ALK: variants seen among roughly 807,000 people sequenced by gnomAD.
ALK encodes ALK receptor tyrosine kinase, also known as ALK tyrosine kinase receptor.
In ALK, 74 loss-of-function variants were observed where a neutral mutation model predicts 163.1. The observed-to-expected ratio is 0.45, with a 90% CI of 0.38 to 0.55. ALK has a LOEUF of 0.55. ALK is among the 20% of genes least tolerant of loss of function. The probability of loss-of-function intolerance (pLI) is 0.00; values close to 1 mark genes in which losing one functional copy is unlikely to be tolerated. For synonymous variants in ALK, 960 were observed against 843.2 expected, an observed-to-expected ratio of 1.14 and a Z score of -2.40; for missense variants, 2,063 against 2,105.3, an observed-to-expected ratio of 0.98 and a Z score of 0.39.
chr2:29,213,464 TG>T (rs1669515672), intron 24 of ALK, among the ~76,000 whole-genome samples: 1 of 152,194 alleles, frequency 6.6e-6, no homozygotes, highest in Non-Finnish European at 1.5e-5. Context: ...AGCCACCCAT[TG>T]TCAAAAATGC....
At chr2:29,751,205 GAGTC>G (rs1193060235) in intron 1 of ALK, among the ~76,000 whole-genome samples, 1 of 152,182 alleles carries the variant, frequency 6.6e-6, no homozygotes, top group Non-Finnish European at 1.5e-5. Context: ...TGCTTTGGGT[GAGTC>G]AGTAAGGAGT....
chr2:29,460,802 A>C (rs1671067216), intron 4 of ALK, among the ~76,000 whole-genome samples: 2 of 152,134 alleles, frequency 1.3e-5, no homozygotes, highest in African/African-American at 4.8e-5. Flanking sequence ...CTAAGTGTTC[A>C]AGTGAAAGGA....
intron 4 of ALK, among the ~76,000 whole-genome samples, chr2:29,409,747 T>A (rs965117356): frequency 2.0e-5 from 3 of 152,180 alleles, no homozygotes; most frequent in Non-Finnish European, 2.9e-5. Flanking sequence ...AAGACTCTTA[T>A]CTGTGTCCTT....
intron 4 of ALK, among the ~76,000 whole-genome samples, chr2:29,531,566 A>G (rs1362292846): frequency 6.6e-6 from 1 of 152,168 alleles, no homozygotes; most frequent in Middle Eastern, 3.2e-3. Context: ...AGTTTCTACC[A>G]TATTAAATTA....
chr2:29,214,585 T>C (rs1341823930), intron 23 of ALK, among the ~76,000 whole-genome samples: 1 of 152,202 alleles, frequency 6.6e-6, no homozygotes, highest in African/African-American at 2.4e-5. Context: ...CTAAAATTGA[T>C]TGAAAAAGAA....
chr2:29,492,797 T>C (rs1219049791), intron 4 of ALK, among the ~76,000 whole-genome samples: 5 of 152,218 alleles, frequency 3.3e-5, no homozygotes, highest in African/African-American at 1.2e-4. Flanking sequence ...AGATTAGACG[T>C]AGGTAACTGT....
intron 9 of ALK, among the ~76,000 whole-genome samples, chr2:29,293,221 G>C (rs1666085549): frequency 6.6e-6 from 1 of 152,214 alleles, no homozygotes; most frequent in Admixed American, 6.5e-5. Context: ...AGGTTGAAGA[G>C]AGGAGGAATG....
intron 5 of ALK, among the ~76,000 whole-genome samples, chr2:29,351,358 G>C (rs1466435410): frequency 6.6e-6 from 1 of 152,094 alleles, no homozygotes; most frequent in African/African-American, 2.4e-5. Context: ...ACTTGGGCTG[G>C]GCCATGACAG....
At chr2:29,594,497 C>T (rs568257587) in intron 3 of ALK, among the ~76,000 whole-genome samples, 311 of 147,016 alleles carry the variant, frequency 2.1e-3, no homozygotes, top group African/African-American at 7.5e-3. Context: ...GGCACAATCT[C>T]GGCTCACTGC....
Position 29,420,973 on chromosome 2 carries a change from TTG to T in ALK, c.1155-37116_1155-37115del, listed in dbSNP as rs374543453. On this transcript the variant is annotated intron_variant, in intron 4 of 28. Transcript: ENST00000389048. ...TCGCATGTTCTCCCCATCACAGAAC[TTG>T]TCAGGAAAAGCAATGGCCAGGAGCT... 1.7e-3 allele frequency among the ~76,000 whole-genome samples: 255 copies of T among 151,672 alleles called. 7 individuals are homozygous for T. The highest frequency in any genetic ancestry group is 6.2e-3 in the African/African-American group (252 of 40,962).
chr2:29,449,773 G>A (rs926397064), intron 4 of ALK, among the ~76,000 whole-genome samples: 2 of 152,238 alleles, frequency 1.3e-5, no homozygotes, highest in Admixed American at 6.5e-5. Flanking sequence ...CAAAGGAAAT[G>A]TTGAGGCTCA....
At chr2:29,216,836 T>C (rs1352919387) in intron 23 of ALK, among the ~76,000 whole-genome samples, 2 of 149,698 alleles carry the variant, frequency 1.3e-5, no homozygotes, top group African/African-American at 4.9e-5. Flanking sequence ...TGTGTATATG[T>C]GCAGTATATA....
chr2:29,286,379 C>A (rs1481585885), intron 9 of ALK: 1 of 152,174 alleles, frequency 6.6e-6, no homozygotes, highest in Non-Finnish European at 1.5e-5. Flanking sequence ...ATCCAGATAC[C>A]TGGATCTGCC....
chr2:29,217,142 GTGT>G (rs1669657057), intron 23 of ALK, among the ~76,000 whole-genome samples: 1 of 149,274 alleles, frequency 6.7e-6, no homozygotes, highest in African/African-American at 2.5e-5. Context: ...GTGTGTGTGT[GTGT>G]GTGTAGTGTA....
intron 26 of ALK, among the ~76,000 whole-genome samples, chr2:29,203,485 CTTTTTTT>C (rs1156462365): frequency 2.3e-3 from 74 of 32,550 alleles, no homozygotes; most frequent in East Asian, 5.0e-3. Flanking sequence ...GAGGATGTGC[CTTTTTTT>C]TTTTTTTTTT....
chr2:29,417,376 A>G (rs1405860417), intron 4 of ALK, among the ~76,000 whole-genome samples: 4 of 152,150 alleles, frequency 2.6e-5, no homozygotes, highest in Non-Finnish European at 5.9e-5. Flanking sequence ...TTTCCTCAAC[A>G]TGAATGAATC....
chr2:29,295,068 T>C (rs77741424), intron 9 of ALK, among the ~76,000 whole-genome samples: 260 of 152,336 alleles, frequency 1.7e-3, no homozygotes, highest in Non-Finnish European at 3.1e-3. Flanking sequence ...GGAAGCACTC[T>C]TGTTTTCTGT....
chr2:29,361,861 C>T (rs1668395852), intron 5 of ALK, among the ~76,000 whole-genome samples: 1 of 152,070 alleles, frequency 6.6e-6, no homozygotes, highest in African/African-American at 2.4e-5. Context: ...TGGTTTATGC[C>T]CCATTTGAAA....
At chr2:29,519,657 T>G (rs1398417406) in intron 4 of ALK, among the ~76,000 whole-genome samples, 1 of 152,080 alleles carries the variant, frequency 6.6e-6, no homozygotes, top group Non-Finnish European at 1.5e-5. Context: ...GATAGACAAG[T>G]GAGGCTTTTT....
Sources: allele counts gnomAD v4.1 joint callset (sites outside exome capture counted in the v4.1 genomes callset), GRCh38; gene constraint gnomAD v4.1.1; transcripts MANE v1.5; gene names NCBI Gene and HGNC (gene_info 2026-07-23, HGNC 2026-07-21).